STK3: variants seen among roughly 807,000 people sequenced by gnomAD.
STK3 encodes the protein serine/threonine kinase 3.
A neutral mutation model predicts 58.0 loss-of-function variants in STK3; 41 were observed. The observed-to-expected ratio is 0.71, with a 90% CI of 0.55 to 0.92. STK3 has a LOEUF of 0.92. Ranked by LOEUF, STK3 falls within the 40% of genes least tolerant of loss-of-function variation. The pLI is 0.00. For synonymous variants in STK3, 170 were observed against 191.0 expected (o/e 0.89, Z 0.91); for missense variants, 479 against 602.7 (o/e 0.79, Z 2.15).
intron 4 of STK3, among the ~76,000 whole-genome samples, chr8:98,729,871 C>G (rs1295001463): frequency 2.6e-5 from 4 of 152,204 alleles, no homozygotes; most frequent in African/African-American, 7.2e-5. Flanking sequence ...ATTTCATGTT[C>G]TCAGCTCAAT....
chr8:98,901,246 A>T (rs1838645889), intron 1 of STK3, among the ~76,000 whole-genome samples: 1 of 152,242 alleles, frequency 6.6e-6, no homozygotes, highest in Admixed American at 6.5e-5. Context: ...AATGATTCCT[A>T]CATCAGAGGA....
chr8:98,407,119 C>G (rs1452714843), intron 3 of STK3, among the ~76,000 whole-genome samples: 1 of 152,152 alleles, frequency 6.6e-6, no homozygotes, highest in Non-Finnish European at 1.5e-5. Context: ...GATGTTTATC[C>G]AGTTATCCTG....
chr8:98,806,896 T>C (rs1471519079), intron 1 of STK3, among the ~76,000 whole-genome samples: 1 of 152,158 alleles, frequency 6.6e-6, no homozygotes, highest in Non-Finnish European at 1.5e-5. Flanking sequence ...GGCTCACGCC[T>C]GTAATCCCAA....
At chr8:98,397,581 C>T (rs1817907186), downstream of STK3, among the ~76,000 whole-genome samples, 1 of 152,086 alleles carries the variant, frequency 6.6e-6, no homozygotes, top group Non-Finnish European at 1.5e-5. Context: ...AGAACTGCTT[C>T]AGATTATCAA....
intron 7 of STK3, among the ~76,000 whole-genome samples, chr8:98,590,540 A>T (rs958123635): frequency 2.0e-5 from 3 of 152,184 alleles, no homozygotes; most frequent in African/African-American, 7.2e-5. Flanking sequence ...TCCTAGGTGG[A>T]TCTTTCTCAA....
intron 2 of STK3, among the ~76,000 whole-genome samples, chr8:98,436,518 A>G (rs954670555): frequency 1.3e-5 from 2 of 152,222 alleles, no homozygotes; most frequent in African/African-American, 4.8e-5. Context: ...AATTTCGGTC[A>G]TCTTTGAATC....
At chr8:98,743,666 T>A (rs867915956) in intron 4 of STK3, among the ~76,000 whole-genome samples, 1 of 152,256 alleles carries the variant, frequency 6.6e-6, no homozygotes, top group Middle Eastern at 3.4e-3. Context: ...ATTCAGGACA[T>A]AGGCATGGGC....
chr8:98,941,242 CT>C (rs999636377), intron 1 of STK3, among the ~76,000 whole-genome samples: 1 of 152,264 alleles, frequency 6.6e-6, no homozygotes, highest in Non-Finnish European at 1.5e-5. Flanking sequence ...AATTCTTAGC[CT>C]TTTGCCCTTG....
chr8:98,402,154 T>C (rs1204357138), intron 3 of STK3, among the ~76,000 whole-genome samples: 1 of 152,188 alleles, frequency 6.6e-6, no homozygotes, highest in Admixed American at 6.5e-5. Context: ...TTAGCAATTA[T>C]ATAAAGGTAG....
chr8:98,474,562 C>T (rs1435501894), intron 10 of STK3, among the ~76,000 whole-genome samples: 2 of 152,124 alleles, frequency 1.3e-5, no homozygotes, highest in African/African-American at 4.8e-5. Flanking sequence ...GATTACATGC[C>T]TTTCCTTTGC....
At chr8:98,914,341 G>A (rs1363105674) in intron 1 of STK3, among the ~76,000 whole-genome samples, 1 of 152,072 alleles carries the variant, frequency 6.6e-6, no homozygotes, top group Non-Finnish European at 1.5e-5. Flanking sequence ...CTAGGAGGTT[G>A]AGGCTGCTGT....
chr8:98,791,717 A>G (rs935577414), intron 1 of STK3, among the ~76,000 whole-genome samples: 1 of 152,218 alleles, frequency 6.6e-6, no homozygotes. Flanking sequence ...AAGTGGGGAA[A>G]GGTCACCCTA....
intron 4 of STK3, among the ~76,000 whole-genome samples, chr8:98,740,466 A>G (rs1478989983): frequency 6.6e-6 from 1 of 152,228 alleles, no homozygotes; most frequent in African/African-American, 2.4e-5. Flanking sequence ...AAGAATTTTT[A>G]AACCAGAATT....
chr8:98,777,441 T>C (rs751664616), intron 1 of STK3, among the ~76,000 whole-genome samples: 24 of 151,244 alleles, frequency 1.6e-4, no homozygotes, highest in Non-Finnish European at 8.9e-5. Context: ...GCCTGGGAGA[T>C]GGAGGTTGCA....
At chr8:98,522,961 T>A (rs1825475200) in intron 10 of STK3, among the ~76,000 whole-genome samples, 1 of 152,210 alleles carries the variant, frequency 6.6e-6, no homozygotes, top group Non-Finnish European at 1.5e-5. Context: ...ACACTTGGGT[T>A]GCTTCTACCT....
intron 10 of STK3, among the ~76,000 whole-genome samples, chr8:98,505,577 G>A (rs949743826): frequency 6.6e-6 from 1 of 152,118 alleles, no homozygotes; most frequent in Non-Finnish European, 1.5e-5. Flanking sequence ...TGGGGTTTTG[G>A]TGTAGATGAC....
chr8:98,471,493 C>T (rs1289673548), intron 10 of STK3, among the ~76,000 whole-genome samples: 1 of 151,822 alleles, frequency 6.6e-6, no homozygotes. Context: ...CTTAAACATG[C>T]TCAGAATAAT....
intron 3 of STK3, among the ~76,000 whole-genome samples, chr8:98,848,468 C>T (rs145808858): frequency 0.026 from 3,987 of 152,196 alleles, 69 homozygotes; most frequent in Non-Finnish European, 0.041. Flanking sequence ...AGGCTGGTCT[C>T]GAACTCCTGA....
intron 3 of STK3, among the ~76,000 whole-genome samples, chr8:98,838,328 G>T (rs1835825532): frequency 6.6e-6 from 1 of 152,018 alleles, no homozygotes; most frequent in Non-Finnish European, 1.5e-5. Context: ...ATATATTTTT[G>T]ATCTTTCAAT....
Sources: allele counts gnomAD v4.1 joint callset (sites outside exome capture counted in the v4.1 genomes callset), GRCh38; gene constraint gnomAD v4.1.1; transcripts MANE v1.5; gene names NCBI Gene and HGNC (gene_info 2026-07-23, HGNC 2026-07-21).